MAPK12: variants seen among roughly 807,000 people sequenced by gnomAD.
MAPK12 encodes the protein mitogen-activated protein kinase 12.
MAPK12 carries 49 observed loss-of-function variants against 49.1 expected under a neutral mutation model. The ratio of observed to expected loss-of-function variants is 1.00; its 90% CI spans 0.79 to 1.27. MAPK12 has a LOEUF of 1.27. MAPK12 is among the 50% of genes most tolerant of loss of function. The probability of loss-of-function intolerance (pLI) is 0.00; values close to 1 mark genes in which losing one functional copy is unlikely to be tolerated. For synonymous variants in MAPK12, 251 were observed against 209.7 expected, an observed-to-expected ratio of 1.20 and a Z score of -1.70; for missense variants, 554 against 502.4, an observed-to-expected ratio of 1.10 and a Z score of -0.98.
In MAPK12 at chr22:50,261,086, G is replaced by A. The variant is rs878972751; in HGVS notation, c.255+81C>T. 75 of 1,400,650 alleles carry A rather than the reference G, an allele frequency of 5.4e-5. 1 individual carries two copies. The highest frequency in any genetic ancestry group is 5.2e-4 in the East Asian group (17 of 32,694). The allele number at this position is 1,400,650 out of a possible 1,614,324, so 86.8% of individuals were successfully genotyped here. ...CCCACAGCAGGCTGCCTGGAGGAGG[G>A]GTTGCCGGGTGGGGGAACCCAGCCC... On this transcript the variant is annotated intron_variant, in intron 2 of 11. Coordinates refer to ENST00000215659, the MANE Select transcript of MAPK12 (RefSeq NM_002969.6).
chr22:50,260,381 CCA>C, intron 2 of MAPK12, among the ~76,000 whole-genome samples: 1 of 152,032 alleles, frequency 6.6e-6, no homozygotes, highest in Non-Finnish European at 1.5e-5. Flanking sequence ...CAGGCTGGGC[CCA>C]GACCAGGGGG....
chr22:50,261,440 G>C lies in MAPK12; in HGVS notation c.70C>G (p.Arg24Gly). 3.1e-6 allele frequency: 4 copies of C among 1,275,806 alleles called. No homozygotes were observed. Among genetic ancestry groups the C allele is most frequent in the Non-Finnish European group, 4.0e-6 (4 of 988,050 alleles). The allele number at this position is 1,275,806 out of a possible 1,614,324, so 79.0% of individuals were successfully genotyped here. Residue 24 changes from arginine to glycine, a missense_variant, in exon 1 of 12, where the codon CGC becomes GGC. Coordinates refer to ENST00000215659, the MANE Select transcript of MAPK12 (RefSeq NM_002969.6). ...GGCTGCAGGTCCCGGTACACGGCGC[G>C]CACCTCCCAGGCCGTCTTGGTCACC... ...QEVTKTAWEV[R>G]AVYRDLQPVG...
chr22:50,255,176 TGCCAGGAGCCCCCCACTCAC>T lies in MAPK12; in HGVS notation c.1024+1_1024+20del. On this transcript the variant is annotated splice_donor_variant and splice_donor_5th_base_variant and intron_variant, in intron 11 of 11. Coordinates refer to ENST00000215659, the MANE Select transcript of MAPK12 (RefSeq NM_002969.6). LOFTEE classifies it high-confidence loss of function. ...CCCCCACTTGGGTCCACACAGGCCG[TGCCAGGAGCCCCCCACTCAC>T]GCTTCCATTCATCCAGTGTGCGGTC... The T allele has an allele frequency of 6.2e-7, 1 of 1,613,060 alleles. No homozygotes were observed. Among genetic ancestry groups the T allele is most frequent in the Non-Finnish European group, 8.5e-7 (1 of 1,179,822 alleles).
chr22:50,255,007 G>A, intron 11 of MAPK12, 190 bp downstream of exon 11: 22 of 1,463,820 alleles, frequency 1.5e-5, no homozygotes, highest in Non-Finnish European at 2.0e-5. Flanking sequence ...TCCCAGGGAT[G>A]GGGATCTAGG....
chr22:50,259,762 T>G (rs2065190967), intron 2 of MAPK12, among the ~76,000 whole-genome samples: 1 of 151,680 alleles, frequency 6.6e-6, no homozygotes, highest in Admixed American at 6.6e-5. Context: ...CGCGCGCCTG[T>G]AATCCCAGCT....
rs1385560206 is a variant in MAPK12, at chr22:50,255,686, G to T, written c.700C>A (p.Gln234Lys). 1.2e-6 allele frequency: 2 copies of T among 1,609,668 alleles called. No homozygotes were observed. Among genetic ancestry groups the T allele is most frequent in the East Asian group, 2.2e-5 (1 of 44,858 alleles). The change falls in exon 9 of 12, where the codon CAG (glutamine) becomes AAG (lysine). Residue 234 changes from glutamine to lysine, a missense_variant. Transcript: ENST00000215659. ...TLFKGSDHLD[Q>K]LKEIMKVTGT... ...GTCACCTTCATGATCTCCTTCAGCT[G>T]GTCCAGGTCTGCACCGAGGTCAGGA...
rs1487368723 is a variant in MAPK12, at chr22:50,261,504, G to A, written c.6C>T (p.Ser2=). The part of the protein sequence containing the change: M[S]SPPPARSGFY... ...AGCCACTGCGGGCGGGCGGCGGAGA[G>A]CTCATGGCAGGCCCGGGAGCTGCCC... is the stretch of plus-strand genomic sequence containing the variant. The change falls in exon 1 of 12, where the codon AGC becomes AGT. Residue 2 remains serine, a synonymous_variant. Transcript: ENST00000215659. 7 of 1,220,128 alleles carry A rather than the reference G, an allele frequency of 5.7e-6. No homozygotes were observed. The highest frequency in any genetic ancestry group is 3.7e-5 in the South Asian group (2 of 53,990). The allele number at this position is 1,220,128 out of a possible 1,614,324, so 75.6% of individuals were successfully genotyped here.
Position 50,257,155 on chromosome 22 carries a change from T to C in MAPK12, c.353A>G (p.Lys118Arg). ...GCCTAGCTTCTCATGTTTCATGAGC[T>C]TGCCCAGGTCGGTGCCCATGAACGG... ...VMPFMGTDLG[K>R]LMKHEKLGED... Residue 118 changes from lysine (K) to arginine (R), a missense_variant, in exon 4 of 12, where the codon AAG becomes AGG. Physicochemically the swap from Lys to Arg is conservative, Grantham distance 26. Coordinates refer to ENST00000215659, the MANE Select transcript of MAPK12 (RefSeq NM_002969.6). The C allele has an allele frequency of 6.2e-7, 1 of 1,612,874 alleles. No homozygotes were observed. Among genetic ancestry groups the C allele is most frequent in the Non-Finnish European group, 8.5e-7 (1 of 1,179,932 alleles).
chr22:50,258,322 T>G lies in MAPK12; in HGVS notation c.256-21A>C, dbSNP rs773050379. The G allele has an allele frequency of 2.5e-6, 4 of 1,610,666 alleles. No homozygotes were observed. The Admixed American group carries it at 6.7e-5, about 27-fold the overall frequency. On this transcript the variant is annotated intron_variant, in intron 2 of 11. Transcript: ENST00000215659. ...ATCACCTGGGGGGGCCACATAGGGT[T>G]GAGAATGCAGCAGAGGACACGGGCT...
chr22:50,257,831 A>AGGGCAG, intron 3 of MAPK12: 1 of 723,758 alleles, frequency 1.4e-6, no homozygotes, highest in Non-Finnish European at 2.6e-6. Context: ...GGTCGGCTGC[A>AGGGCAG]GGGCAGGGGC....
chr22:50,256,341 G>A lies in MAPK12; in HGVS notation c.505-142C>T, dbSNP rs916653739. 1.1e-5 allele frequency: 8 copies of A among 738,588 alleles called. No individual in the cohort carries two copies. In the Admixed American group the frequency reaches 1.1e-4, roughly 11 times the overall value. 45.8% of individuals were successfully genotyped at this position (738,588 alleles called of 1,614,324 possible). ...ACAACCTTCAAGGACTTGAGGCCAC[G>A]CCCTCGGACCCCAAACTGCCCCGAG... is the stretch of plus-strand genomic sequence containing the variant. On this transcript the variant is annotated intron_variant, in intron 6 of 11. Coordinates refer to ENST00000215659, the MANE Select transcript of MAPK12 (RefSeq NM_002969.6).
chr22:50,254,593 A>G (rs1414486324), intron 11 of MAPK12: 11 of 938,760 alleles, frequency 1.2e-5, no homozygotes, highest in Non-Finnish European at 1.4e-5. Flanking sequence ...CGGAGCTTGC[A>G]GTGAGTCAAG....
chr22:50,256,557 G>GCCCCTGCCCCACCTCAGGGC, intron 6 of MAPK12, 42 bp downstream of exon 6: 1 of 1,596,736 alleles, frequency 6.3e-7, no homozygotes, highest in Non-Finnish European at 8.5e-7. Context: ...TCCAGAGGGG[G>GCCCCTGCCCCACCTCAGGGC]CCCCTGCCCC....
intron 2 of MAPK12, among the ~76,000 whole-genome samples, chr22:50,259,902 A>G (rs1046061424): frequency 2.6e-5 from 4 of 151,056 alleles, no homozygotes; most frequent in African/African-American, 9.7e-5. Flanking sequence ...AAAAAAAGAA[A>G]AAAAGCCCCA....
intron 11 of MAPK12, 164 bp from the exon 12 acceptor site, chr22:50,253,644 T>C: frequency 1.6e-6 from 1 of 607,084 alleles, no homozygotes; most frequent in Non-Finnish European, 3.0e-6. Context: ...AGGCCATTGC[T>C]CTAGATCTGG....
At position 50,253,331 on chromosome 22, in the gene MAPK12, G is replaced by T; in HGVS notation, c.*70C>A. On this transcript the variant is annotated 3_prime_UTR_variant, in exon 12 of 12. Transcript: ENST00000215659. ...TGCAAGCCCCAGCCAAGGTCAAGGTGGCAACGAGAGTCCCCTCTCAGGTGG... is the reference window on the plus strand; with the variant it reads ...TGCAAGCCCCAGCCAAGGTCAAGGTTGCAACGAGAGTCCCCTCTCAGGTGG... 8.7e-7 allele frequency: 1 copy of T among 1,152,970 alleles called. No individual in the cohort carries two copies. The highest frequency in any genetic ancestry group is 1.3e-5 in the South Asian group (1 of 76,128). 71.4% of individuals were successfully genotyped at this position (1,152,970 alleles called of 1,614,324 possible).
intron 4 of MAPK12, 57 bp from the exon 5 acceptor site, chr22:50,257,021 C>T: frequency 3.1e-6 from 5 of 1,602,538 alleles, no homozygotes; most frequent in African/African-American, 1.3e-5. Flanking sequence ...GCCACAGGGC[C>T]CTCCTCTGCC....
Position 50,253,424 on chromosome 22 carries a change from C to A in MAPK12, c.1081G>T (p.Val361Phe), listed in dbSNP as rs1337740173. The A allele has an allele frequency of 1.3e-6, 2 of 1,549,766 alleles. No homozygotes were observed. The highest frequency in any genetic ancestry group is 1.7e-6 in the Non-Finnish European group (2 of 1,146,540). The change falls in exon 12 of 12, where the codon GTC becomes TTC. Residue 361 changes from valine (V) to phenylalanine (F), a missense_variant. By Grantham distance (50) the Val-to-Phe change is conservative (BLOSUM62 -1). Coordinates refer to ENST00000215659, the MANE Select transcript of MAPK12 (RefSeq NM_002969.6). Reference protein sequence around the residue: ...FKPPRQLGARVSKETPL With the variant: ...FKPPRQLGARFSKETPL Reference sequence around the variant, plus strand: ...CTTCACAGAGGCGTCTCCTTGGAGACCCTGGCCCCCAGCTGCCGGGGAGGC... The same window carrying A: ...CTTCACAGAGGCGTCTCCTTGGAGAACCTGGCCCCCAGCTGCCGGGGAGGC...
At chr22:50,260,222 G>A (rs1163607962) in intron 2 of MAPK12, among the ~76,000 whole-genome samples, 1 of 151,568 alleles carries the variant, frequency 6.6e-6, no homozygotes, top group African/African-American at 2.4e-5. Flanking sequence ...CCAGGAACCG[G>A]GGGACGGGGC....
Sources: allele counts gnomAD v4.1 joint callset (sites outside exome capture counted in the v4.1 genomes callset), GRCh38; gene constraint gnomAD v4.1.1; transcripts MANE v1.5; gene names NCBI Gene and HGNC (gene_info 2026-07-23, HGNC 2026-07-21).